SNX29: variants seen among roughly 807,000 people sequenced by gnomAD.
SNX29 encodes the protein sorting nexin-29.
Under a neutral mutation model 102.1 loss-of-function variants are expected in SNX29, and 78 were observed. That is an observed-to-expected ratio of 0.76 (90% CI 0.64 to 0.92). The LOEUF is 0.92. SNX29 is among the 40% of genes least tolerant of loss of function. The probability of loss-of-function intolerance (pLI) is 0.00; values close to 1 mark genes in which losing one functional copy is unlikely to be tolerated. For synonymous variants in SNX29, 580 were observed against 414.5 expected (o/e 1.40, Z -4.85); for missense variants, 1,280 against 1,061.7 (o/e 1.21, Z -2.86).
At chr16:12,345,843 A>G (rs949127948) in intron 15 of SNX29, among the ~76,000 whole-genome samples, 1 of 152,148 alleles carries the variant, frequency 6.6e-6, no homozygotes, top group Non-Finnish European at 1.5e-5. Flanking sequence ...CTTTTATGCC[A>G]TGCCAAGAAA....
chr16:12,194,180 T>G (rs997076378), intron 13 of SNX29, among the ~76,000 whole-genome samples: 2 of 152,216 alleles, frequency 1.3e-5, no homozygotes, highest in Admixed American at 6.5e-5. Context: ...TTTTGTAGTT[T>G]TCAGCATGCA....
intron 15 of SNX29, among the ~76,000 whole-genome samples, chr16:12,291,689 T>A (rs2079800286): frequency 2.0e-5 from 3 of 152,298 alleles, no homozygotes; most frequent in Admixed American, 2.0e-4. Flanking sequence ...CCATTCTCTC[T>A]TTTCAGCTGA....
chr16:12,493,251 A>G (rs1055715693), intron 19 of SNX29, among the ~76,000 whole-genome samples: 6 of 152,140 alleles, frequency 3.9e-5, no homozygotes, highest in African/African-American at 9.7e-5. Context: ...GGTCCTTCAC[A>G]TCCCTTGTAA....
At chr16:12,074,112 A>G (rs908161659) in intron 10 of SNX29, among the ~76,000 whole-genome samples, 2 of 150,768 alleles carry the variant, frequency 1.3e-5, no homozygotes, top group Non-Finnish European at 3.0e-5. Flanking sequence ...ATGGGTCTTG[A>G]CTCTTTATCC....
In SNX29 at chr16:12,573,364, A is replaced by T. The variant is rs1196804932; in HGVS notation, c.*4735A>T. On this transcript the variant is annotated 3_prime_UTR_variant, in exon 21 of 21. Coordinates refer to ENST00000566228, the MANE Select transcript of SNX29 (RefSeq NM_032167.5). ...TAGACAGTTACTTCTAAATCCCAGC[A>T]ACCAAGTTGCGTATCCTTCCTTATA... 8.9e-6 allele frequency: 2 copies of T among 224,878 alleles called. No individual in the cohort carries two copies. The allele number at this position is 224,878 out of a possible 1,614,324, so 13.9% of individuals were successfully genotyped here.
At chr16:12,477,631 G>C (rs2087716629) in intron 18 of SNX29, 88 bp from the exon 19 acceptor site, 1 of 1,502,474 alleles carries the variant, frequency 6.7e-7, no homozygotes, top group Non-Finnish European at 9.1e-7. Context: ...TCTTGCTGCA[G>C]TTGGTTTTCA....
At chr16:12,448,564 T>G (rs577609302) in intron 18 of SNX29, among the ~76,000 whole-genome samples, 1 of 152,204 alleles carries the variant, frequency 6.6e-6, no homozygotes, top group East Asian at 1.9e-4. Flanking sequence ...GCCCAACATC[T>G]GGTGGCATAC....
At chr16:12,179,225 C>G (rs577516598) in intron 13 of SNX29, among the ~76,000 whole-genome samples, 4 of 152,282 alleles carry the variant, frequency 2.6e-5, no homozygotes, top group African/African-American at 9.6e-5. Context: ...GTTGCTCACA[C>G]CTGTACTCTT....
At chr16:12,455,811 A>G (rs1331604610) in intron 18 of SNX29, among the ~76,000 whole-genome samples, 1 of 152,152 alleles carries the variant, frequency 6.6e-6, no homozygotes, top group Non-Finnish European at 1.5e-5. Flanking sequence ...GTGGCCCGGT[A>G]TGGAGGGTAA....
intron 14 of SNX29, among the ~76,000 whole-genome samples, chr16:12,274,603 C>T (rs896793937): frequency 6.6e-6 from 1 of 151,174 alleles, no homozygotes; most frequent in Non-Finnish European, 1.5e-5. Flanking sequence ...GCTATGCCAT[C>T]TCAGTTCACT....
At chr16:12,331,283 G>A (rs772622897) in intron 15 of SNX29, among the ~76,000 whole-genome samples, 23 of 152,182 alleles carry the variant, frequency 1.5e-4, no homozygotes, top group Non-Finnish European at 3.2e-4. Context: ...CCTTCTCTAC[G>A]TGCTCCAAGT....
chr16:12,567,860 C>G (rs766074723), intron 20 of SNX29, among the ~76,000 whole-genome samples: 10 of 152,200 alleles, frequency 6.6e-5, no homozygotes, highest in African/African-American at 2.2e-4. Flanking sequence ...ACCCTATCCC[C>G]TAAAAAATGT....
chr16:12,217,337 C>T (rs62038348), intron 14 of SNX29, among the ~76,000 whole-genome samples: 2,726 of 152,310 alleles, frequency 0.018, 37 homozygotes, highest in Non-Finnish European at 0.029. Flanking sequence ...CCTGCTGTTT[C>T]TGCCACACTT....
intron 20 of SNX29, among the ~76,000 whole-genome samples, chr16:12,542,190 C>T (rs1409073901): frequency 6.6e-6 from 1 of 152,178 alleles, no homozygotes; most frequent in Non-Finnish European, 1.5e-5. Context: ...TAAGCCTTTT[C>T]CACACAGGGT....
chr16:12,222,922 G>T (rs998638050), intron 14 of SNX29, among the ~76,000 whole-genome samples: 1 of 152,208 alleles, frequency 6.6e-6, no homozygotes, highest in Admixed American at 6.5e-5. Context: ...GGCCACAGGT[G>T]TAGATATTAT....
chr16:12,493,015 G>C (rs1353710702), intron 19 of SNX29, among the ~76,000 whole-genome samples: 23 of 152,194 alleles, frequency 1.5e-4, no homozygotes, highest in East Asian at 3.8e-4. Context: ...GGCAATGCGG[G>C]CTCTTTTTTG....
intron 14 of SNX29, among the ~76,000 whole-genome samples, chr16:12,245,987 G>GT (rs1567352754): frequency 6.6e-6 from 1 of 152,178 alleles, no homozygotes; most frequent in Non-Finnish European, 1.5e-5. Flanking sequence ...TAATGAGTAG[G>GT]TTTTTGAACA....
intron 11 of SNX29, among the ~76,000 whole-genome samples, chr16:12,089,107 G>GGAGA (rs753818915): frequency 3.5e-5 from 5 of 142,740 alleles, no homozygotes; most frequent in Non-Finnish European, 7.7e-5. Context: ...AAGAAAGAGA[G>GGAGA]GAGAGAGAGA....
At chr16:12,100,416 C>G (rs556362175) in intron 11 of SNX29, among the ~76,000 whole-genome samples, 1 of 152,254 alleles carries the variant, frequency 6.6e-6, no homozygotes, top group Non-Finnish European at 1.5e-5. Flanking sequence ...TAAAACTGCC[C>G]TTGGTTGAAA....
Sources: allele counts gnomAD v4.1 joint callset (sites outside exome capture counted in the v4.1 genomes callset), GRCh38; gene constraint gnomAD v4.1.1; transcripts MANE v1.5; gene names NCBI Gene and HGNC (gene_info 2026-07-23, HGNC 2026-07-21).